The following GPLD1 variants were observed in gnomAD, a reference collection of about 807,000 sequenced individuals.
GPLD1 encodes the protein phosphatidylinositol-glycan-specific phospholipase D.
Under a neutral mutation model 112.6 loss-of-function variants are expected in GPLD1, and 84 were observed. The ratio of observed to expected loss-of-function variants is 0.75; its 90% CI spans 0.63 to 0.89. GPLD1 has a LOEUF of 0.89. GPLD1 is among the 40% of genes least tolerant of loss of function. The pLI is 0.00. For missense variants in GPLD1, 1,044 were observed against 1,051.5 expected (o/e 0.99, Z 0.10); for synonymous variants, 386 against 403.8 (o/e 0.96, Z 0.53).
At chr6:24,440,096 A>ACT (rs34913915) in intron 20 of GPLD1, among the ~76,000 whole-genome samples, 2 of 151,984 alleles carry the variant, frequency 1.3e-5, no homozygotes, top group South Asian at 2.1e-4. Flanking sequence ...CACCAACTCT[A>ACT]CTCTCTTGAA....
At chr6:24,432,541 C>CA (rs1762438895) in intron 24 of GPLD1, among the ~76,000 whole-genome samples, 1 of 152,044 alleles carries the variant, frequency 6.6e-6, no homozygotes, top group East Asian at 1.9e-4. Flanking sequence ...GTGGAGGTTG[C>CA]GGTGAGCCAA....
rs185459994 is a variant in GPLD1, at chr6:24,471,028, A to G, written c.545+1554T>C. ...AATCTTATTTGAAAGAACAAAGGCA[A>G]AGAATAGGCAAGGTACTTTTGAAGA... On this transcript the variant is annotated intron_variant, in intron 7 of 24. Transcript: ENST00000230036. 8.5e-5 allele frequency among the ~76,000 whole-genome samples: 13 copies of G among 152,390 alleles called. No individual in the cohort carries two copies. In the East Asian group the frequency reaches 2.5e-3, roughly 29 times the overall value.
intron 14 of GPLD1, among the ~76,000 whole-genome samples, chr6:24,450,266 C>G (rs1373068509): frequency 6.6e-6 from 1 of 152,192 alleles, no homozygotes; most frequent in Non-Finnish European, 1.5e-5. Context: ...AATCCCAGCA[C>G]TTTGGGAGGC....
intron 14 of GPLD1, 103 bp downstream of exon 14, chr6:24,453,912 C>T: frequency 1.4e-6 from 1 of 740,242 alleles, no homozygotes; most frequent in African/African-American, 1.8e-5. Flanking sequence ...CTGTTTGTTA[C>T]TGTAATTATT....
At chr6:24,447,074 G>C (rs1762934605) in intron 17 of GPLD1, 95 bp from the exon 18 acceptor site, 1 of 1,164,006 alleles carries the variant, frequency 8.6e-7, no homozygotes, top group Non-Finnish European at 1.2e-6. Flanking sequence ...AATAGAAGTG[G>C]GTTCATTTTG....
At chr6:24,461,953 C>T (rs1427785970) in intron 11 of GPLD1, among the ~76,000 whole-genome samples, 1 of 152,060 alleles carries the variant, frequency 6.6e-6, no homozygotes, top group Non-Finnish European at 1.5e-5. Context: ...AAATGACTGT[C>T]GGTTGGTACC....
Position 24,489,497 on chromosome 6 carries a change from C to T in GPLD1, c.15G>A (p.Arg5=), listed in dbSNP as rs765111797. Residue 5 remains arginine, a synonymous_variant, in exon 1 of 25, where the codon AGG becomes AGA. Coordinates refer to ENST00000230036, the MANE Select transcript of GPLD1 (RefSeq NM_001503.4). ...ACATGATCAGCAGGCCAGGCCACAA[C>T]CTGAAAGCAGACATGATCTCATTGC... is the stretch of plus-strand genomic sequence containing the variant. MSAF[R]LWPGLLIMLG... The T allele has an allele frequency of 6.2e-7, 1 of 1,614,070 alleles. No homozygotes were observed.
intron 23 of GPLD1, 28 bp from the exon 24 acceptor site, chr6:24,433,265 C>A (rs780926420): frequency 1.2e-6 from 2 of 1,603,192 alleles, no homozygotes; most frequent in Non-Finnish European, 1.7e-6. Flanking sequence ...TGTTAATGGG[C>A]TTTGAAGAAC....
chr6:24,475,688 C>CAAAAAAAAAAA (rs35291266), intron 4 of GPLD1, among the ~76,000 whole-genome samples: 4 of 113,300 alleles, frequency 3.5e-5, no homozygotes, highest in African/African-American at 1.4e-4. Context: ...ACTAAAAATA[C>CAAAAAAAAAAA]AAAAAAAAAA....
intron 14 of GPLD1, among the ~76,000 whole-genome samples, chr6:24,453,346 A>C (rs929212940): frequency 6.6e-6 from 1 of 152,222 alleles, no homozygotes; most frequent in African/African-American, 2.4e-5. Flanking sequence ...CTGTGAATCT[A>C]AAATTCTGGA....
intron 6 of GPLD1, 180 bp downstream of exon 6, chr6:24,473,439 T>G (rs951520268): frequency 9.3e-6 from 4 of 432,288 alleles, no homozygotes; most frequent in African/African-American, 2.0e-5. Context: ...ACACAAGTTT[T>G]TAGAAATACA....
At chr6:24,467,073 T>C in intron 8 of GPLD1, 94 bp downstream of exon 8, 1 of 1,104,648 alleles carries the variant, frequency 9.1e-7, no homozygotes, top group Non-Finnish European at 1.4e-6. Flanking sequence ...AATCCATAAA[T>C]CCAAAATCCA....
intron 1 of GPLD1, among the ~76,000 whole-genome samples, chr6:24,488,653 C>T (rs559018109): frequency 6.6e-6 from 1 of 152,228 alleles, no homozygotes; most frequent in East Asian, 1.9e-4. Flanking sequence ...TGTTAATTAG[C>T]TTGATTGTGC....
At chr6:24,447,473 G>GCT (rs1463259415) in intron 17 of GPLD1, among the ~76,000 whole-genome samples, 5 of 151,956 alleles carry the variant, frequency 3.3e-5, no homozygotes, top group African/African-American at 1.2e-4. Context: ...CCAAGATTAT[G>GCT]CTACTGCACT....
intron 5 of GPLD1, among the ~76,000 whole-genome samples, chr6:24,474,139 AC>A (rs202028148): frequency 4.2e-5 from 6 of 142,550 alleles, no homozygotes; most frequent in Non-Finnish European, 5.9e-5. Context: ...AAACAAACAA[AC>A]AAAAAAACAA....
intron 2 of GPLD1, among the ~76,000 whole-genome samples, chr6:24,482,043 AAAG>A (rs1764218491): frequency 6.6e-6 from 1 of 152,142 alleles, no homozygotes; most frequent in African/African-American, 2.4e-5. Context: ...GTTGAGGAAA[AAAG>A]AAGAGTACTA....
At chr6:24,495,059 C>A in exon 1 of GPLD1, 1 of 1,346,000 alleles carries the variant, frequency 7.4e-7, no homozygotes, top group Non-Finnish European at 9.5e-7. Flanking sequence ...CGTTTCCAGG[C>A]TGCCGCCTCC....
chr6:24,448,697 GCA>G (rs1282944183), intron 15 of GPLD1, among the ~76,000 whole-genome samples: 3 of 152,120 alleles, frequency 2.0e-5, no homozygotes, highest in Admixed American at 1.3e-4. Flanking sequence ...TCAAGGACCA[GCA>G]CAGTTTCAGG....
chr6:24,449,390 G>A lies in GPLD1; in HGVS notation c.1446+399C>T, dbSNP rs76037388. On this transcript the variant is annotated intron_variant, in intron 15 of 24. Coordinates refer to ENST00000230036, the MANE Select transcript of GPLD1 (RefSeq NM_001503.4). ...GCCAGGGTCCAGGATCTCTAACTCAGTAAGAAAGGAGGCAACAGGCGGGGA... is the reference window on the plus strand; with the variant it reads ...GCCAGGGTCCAGGATCTCTAACTCAATAAGAAAGGAGGCAACAGGCGGGGA... Among the ~76,000 whole-genome samples the A allele has an allele frequency of 2.1e-3, 326 of 152,272 alleles. 15 individuals are homozygous for A. The East Asian group carries it at 0.058, about 27-fold the overall frequency.
Sources: gnomAD v4.1 joint callset for allele counts (sites outside exome capture counted in the v4.1 genomes callset) on GRCh38, gnomAD v4.1.1 for gene constraint, MANE v1.5 for transcripts, NCBI Gene and HGNC (gene_info 2026-07-23, HGNC 2026-07-21) for gene names.